Variants in FRMD4A observed in about 807,000 individuals in gnomAD.
FRMD4A encodes the protein FERM domain-containing protein 4A.
In FRMD4A, 29 loss-of-function variants were observed where a neutral mutation model predicts 129.1. The ratio of observed to expected loss-of-function variants is 0.22; its 90% confidence interval spans 0.17 to 0.31. The LOEUF is 0.31. Among genes scored for constraint, FRMD4A ranks in the 10% least tolerant of loss-of-function variants. The pLI is 1.00. For missense variants in FRMD4A, 1,272 were observed against 1,375.8 expected, an observed-to-expected ratio of 0.92 and a Z score of 1.19; for synonymous variants, 634 against 571.6, an observed-to-expected ratio of 1.11 and a Z score of -1.56.
intron 2 of FRMD4A, among the ~76,000 whole-genome samples, chr10:13,999,249 A>G (rs1219237122): frequency 2.0e-5 from 3 of 152,074 alleles, no homozygotes; most frequent in Non-Finnish European, 4.4e-5. Context: ...ATTTCTCTTT[A>G]GAGAACTCAT....
chr10:14,014,795 G>A (rs1016579776), intron 2 of FRMD4A, among the ~76,000 whole-genome samples: 1 of 152,182 alleles, frequency 6.6e-6, no homozygotes, highest in Non-Finnish European at 1.5e-5. Context: ...GACACAGTGC[G>A]CTGTTTGCAG....
At chr10:13,924,130 A>G (rs1048030082) in intron 2 of FRMD4A, among the ~76,000 whole-genome samples, 4 of 152,206 alleles carry the variant, frequency 2.6e-5, no homozygotes, top group Non-Finnish European at 5.9e-5. Context: ...CTATGTGCCC[A>G]TCTCATGGAC....
chr10:13,783,490 C>A (rs2092784273), intron 5 of FRMD4A, among the ~76,000 whole-genome samples: 1 of 151,646 alleles, frequency 6.6e-6, no homozygotes, highest in Non-Finnish European at 1.5e-5. Flanking sequence ...GCTCAAGCAA[C>A]CTTCCCGCCT....
At chr10:13,960,464 C>T (rs1317737320) in intron 2 of FRMD4A, among the ~76,000 whole-genome samples, 1 of 152,152 alleles carries the variant, frequency 6.6e-6, no homozygotes, top group African/African-American at 2.4e-5. Flanking sequence ...TGGACATGTA[C>T]TATTTCTCAG....
At chr10:14,079,179 T>C (rs1230076142) in intron 2 of FRMD4A, among the ~76,000 whole-genome samples, 1 of 152,188 alleles carries the variant, frequency 6.6e-6, no homozygotes, top group African/African-American at 2.4e-5. Flanking sequence ...TACCTCCAGT[T>C]GTGGATGGGG....
intron 2 of FRMD4A, among the ~76,000 whole-genome samples, chr10:13,895,061 A>C (rs1198233956): frequency 1.3e-5 from 2 of 152,254 alleles, no homozygotes; most frequent in African/African-American, 4.8e-5. Context: ...GTCTGGCTGA[A>C]TAAGCATAAA....
chr10:13,789,731 G>A (rs564950841), intron 5 of FRMD4A, among the ~76,000 whole-genome samples: 1 of 105,066 alleles, frequency 9.5e-6, no homozygotes, highest in South Asian at 3.0e-4. Flanking sequence ...AGTTCAAGGT[G>A]CTCTTGGTCA....
chr10:14,116,645 A>T (rs1485957161), intron 2 of FRMD4A, among the ~76,000 whole-genome samples: 1 of 152,120 alleles, frequency 6.6e-6, no homozygotes, highest in African/African-American at 2.4e-5. Flanking sequence ...CCACGGAGAG[A>T]CCCCATTTAT....
chr10:14,174,780 G>T (rs2131890675), intron 2 of FRMD4A, among the ~76,000 whole-genome samples: 1 of 152,100 alleles, frequency 6.6e-6, no homozygotes, highest in East Asian at 1.9e-4. Flanking sequence ...ATGTTTAGAG[G>T]CACATAACTG....
intron 2 of FRMD4A, among the ~76,000 whole-genome samples, chr10:14,277,550 C>T (rs1475379314): frequency 6.6e-6 from 1 of 152,198 alleles, no homozygotes; most frequent in East Asian, 1.9e-4. Flanking sequence ...GAACTGTGAG[C>T]CATAGTTGCT....
intron 15 of FRMD4A, among the ~76,000 whole-genome samples, chr10:13,681,857 C>T (rs374727374): frequency 2.6e-4 from 39 of 152,194 alleles, no homozygotes; most frequent in East Asian, 7.7e-4. Flanking sequence ...TAAAAGAGAA[C>T]GCTTAGAAGA....
intron 2 of FRMD4A, among the ~76,000 whole-genome samples, chr10:14,013,513 A>C (rs2095688742): frequency 6.6e-6 from 1 of 152,134 alleles, no homozygotes; most frequent in Admixed American, 6.5e-5. Flanking sequence ...GCTTATTGGA[A>C]GAGAGACATC....
intron 4 of FRMD4A, among the ~76,000 whole-genome samples, chr10:13,803,088 G>T (rs192056133): frequency 9.5e-4 from 140 of 147,714 alleles, no homozygotes; most frequent in Non-Finnish European, 1.7e-3. Context: ...GACAGAGTTT[G>T]CAGTGAGCCG....
rs141994657 is a variant in FRMD4A at position 13,947,295 on chromosome 10, A to G, written c.46-88383T>C. On this transcript the variant is annotated intron_variant, in intron 2 of 24. Coordinates refer to ENST00000357447, the MANE Select transcript of FRMD4A (RefSeq NM_018027.5). Reference sequence around the variant, plus strand: ...TCTCTATATACACTTAATCTTCACCAGACCGCTATCATTCCCAATTAAACA... The same window carrying G: ...TCTCTATATACACTTAATCTTCACCGGACCGCTATCATTCCCAATTAAACA... Among the ~76,000 whole-genome samples, 458 of 152,318 alleles carry G rather than the reference A, an allele frequency of 3.0e-3. 5 individuals carry two copies. Among genetic ancestry groups the G allele is most frequent in the African/African-American group, 0.01 (435 of 41,564 alleles).
At chr10:14,262,148 C>T (rs1290603622) in intron 2 of FRMD4A, among the ~76,000 whole-genome samples, 3 of 152,170 alleles carry the variant, frequency 2.0e-5, no homozygotes, top group Non-Finnish European at 4.4e-5. Flanking sequence ...CATCTTCGAG[C>T]GGCAAAACCA....
At chr10:14,089,640 C>CAAAAAAAAAAAAAAAAAAAAAAAAG (rs759243260) in intron 2 of FRMD4A, among the ~76,000 whole-genome samples, 1 of 70,276 alleles carries the variant, frequency 1.4e-5, no homozygotes, top group East Asian at 3.6e-4. Context: ...CAAAAAAAAA[C>CAAAAAAAAAAAAAAAAAAAAAAAAG]AAACAAAAAA....
chr10:14,198,077 C>T (rs970452209), intron 2 of FRMD4A, among the ~76,000 whole-genome samples: 5 of 152,208 alleles, frequency 3.3e-5, no homozygotes, highest in Non-Finnish European at 5.9e-5. Context: ...CCTGCAGTTT[C>T]CTGGCCTGCC....
chr10:13,897,761 A>AC lies in FRMD4A; in HGVS notation c.46-38850dup, dbSNP rs994339468. On this transcript the variant is annotated intron_variant, in intron 2 of 24. Transcript: ENST00000357447. ...AGACCAGCCTGGTCAACATGGTGAA[A>AC]CCCCGTCTCTGCTAAAAATACAAAA... 3.2e-4 allele frequency among the ~76,000 whole-genome samples: 49 copies of AC among 151,680 alleles called. 1 individual carries two copies. The highest frequency in any genetic ancestry group is 6.6e-4 in the Non-Finnish European group (45 of 67,890).
At chr10:14,141,961 C>T (rs1839858455) in intron 2 of FRMD4A, among the ~76,000 whole-genome samples, 1 of 152,156 alleles carries the variant, frequency 6.6e-6, no homozygotes, top group South Asian at 2.1e-4. Flanking sequence ...TCCCTTTAGG[C>T]ATCCGAAAAT....
Sources: gnomAD v4.1 joint callset for allele counts (sites outside exome capture counted in the v4.1 genomes callset) on GRCh38, gnomAD v4.1.1 for gene constraint, MANE v1.5 for transcripts, NCBI Gene and HGNC (gene_info 2026-07-23, HGNC 2026-07-21) for gene names.